The following GALNTL6 variants were observed in gnomAD, a reference collection of about 807,000 sequenced individuals.
GALNTL6 encodes the protein polypeptide N-acetylgalactosaminyltransferase like 6.
In GALNTL6, 46 loss-of-function variants were observed where a neutral mutation model predicts 73.7. The observed-to-expected ratio is 0.62, with a 90% confidence interval of 0.49 to 0.80. The LOEUF is 0.80. Ranked by LOEUF, GALNTL6 falls within the 30% of genes least tolerant of loss-of-function variation. The probability of loss-of-function intolerance (pLI) is 0.00; values close to 1 mark genes in which losing one functional copy is unlikely to be tolerated. For synonymous variants in GALNTL6, 259 were observed against 263.7 expected (o/e 0.98, Z 0.17); for missense variants, 604 against 755.0 (o/e 0.80, Z 2.34).
At chr4:171,896,361 T>C (rs1401918798) in intron 2 of GALNTL6, among the ~76,000 whole-genome samples, 3 of 152,222 alleles carry the variant, frequency 2.0e-5, no homozygotes, top group Non-Finnish European at 2.9e-5. Context: ...GCCTCAGTCA[T>C]GACTGGGAAT....
At chr4:172,458,557 G>A (rs992990495) in intron 5 of GALNTL6, among the ~76,000 whole-genome samples, 5 of 152,100 alleles carry the variant, frequency 3.3e-5, no homozygotes, top group African/African-American at 1.2e-4. Flanking sequence ...TGATCCCACA[G>A]AAATACAAAC....
intron 9 of GALNTL6, among the ~76,000 whole-genome samples, chr4:172,948,540 C>G (rs949447445): frequency 2.0e-5 from 3 of 150,930 alleles, no homozygotes; most frequent in Admixed American, 6.6e-5. Context: ...GCAACCTCCA[C>G]CTCTCGGGTT....
At chr4:172,838,736 GTA>G in intron 7 of GALNTL6, among the ~76,000 whole-genome samples, 1 of 152,140 alleles carries the variant, frequency 6.6e-6, no homozygotes. Context: ...TTCCTCTGAT[GTA>G]TATAAATAAC....
intron 5 of GALNTL6, among the ~76,000 whole-genome samples, chr4:172,671,849 G>A (rs949021381): frequency 6.6e-6 from 1 of 151,842 alleles, no homozygotes; most frequent in Admixed American, 6.6e-5. Flanking sequence ...AGGGGTTTTT[G>A]TTTGTTTGGT....
intron 2 of GALNTL6, among the ~76,000 whole-genome samples, chr4:172,013,285 A>G (rs907845542): frequency 3.3e-5 from 5 of 151,960 alleles, no homozygotes; most frequent in African/African-American, 4.8e-5. Context: ...CCTCCTATCT[A>G]TGTACTTATT....
intron 5 of GALNTL6, among the ~76,000 whole-genome samples, chr4:172,778,018 G>GCTA (rs1449219048): frequency 6.6e-6 from 1 of 152,198 alleles, no homozygotes; most frequent in Non-Finnish European, 1.5e-5. Flanking sequence ...ACAATACTAA[G>GCTA]CATAAAGCCT....
chr4:172,165,805 A>G (rs1734604619), intron 2 of GALNTL6, among the ~76,000 whole-genome samples: 1 of 152,184 alleles, frequency 6.6e-6, no homozygotes, highest in African/African-American at 2.4e-5. Flanking sequence ...TTGCCAACAC[A>G]GATATATTCC....
chr4:172,129,128 T>C (rs1733384089), intron 2 of GALNTL6, among the ~76,000 whole-genome samples: 1 of 152,234 alleles, frequency 6.6e-6, no homozygotes. Flanking sequence ...TTGAAAGCCC[T>C]TTAAGACTCT....
chr4:172,293,635 C>T (rs1011615224), intron 3 of GALNTL6, among the ~76,000 whole-genome samples: 1 of 151,866 alleles, frequency 6.6e-6, no homozygotes, highest in Non-Finnish European at 1.5e-5. Context: ...GTCATATTGC[C>T]TATGTGGGGA....
chr4:172,363,009 T>C (rs954153317), intron 5 of GALNTL6, among the ~76,000 whole-genome samples: 1 of 152,162 alleles, frequency 6.6e-6, no homozygotes, highest in Non-Finnish European at 1.5e-5. Flanking sequence ...AAATAATATT[T>C]ATAACAATCA....
At chr4:172,267,027 G>A (rs1408383666) in intron 3 of GALNTL6, among the ~76,000 whole-genome samples, 1 of 152,118 alleles carries the variant, frequency 6.6e-6, no homozygotes. Context: ...TTTCAATTCA[G>A]TTGTCCCTTG....
At chr4:171,920,718 A>G (rs61356219) in intron 2 of GALNTL6, among the ~76,000 whole-genome samples, 6,027 of 152,226 alleles carry the variant, frequency 0.04, 347 homozygotes, top group African/African-American at 0.12. Context: ...ATACATACAC[A>G]CAAACACAGT....
chr4:172,439,181 C>G, intron 5 of GALNTL6, among the ~76,000 whole-genome samples: 1 of 139,960 alleles, frequency 7.1e-6, no homozygotes, highest in East Asian at 2.0e-4. Flanking sequence ...TTCACACACA[C>G]ACACACACAC....
chr4:171,990,860 TG>T (rs1740311625), intron 2 of GALNTL6, among the ~76,000 whole-genome samples: 1 of 152,246 alleles, frequency 6.6e-6, no homozygotes, highest in Non-Finnish European at 1.5e-5. Context: ...TAAATGTTGC[TG>T]TAAATGTTGA....
intron 2 of GALNTL6, among the ~76,000 whole-genome samples, chr4:172,196,786 A>G (rs190126629): frequency 8.5e-5 from 13 of 152,304 alleles, no homozygotes; most frequent in Admixed American, 7.8e-4. Context: ...TATTGAAGGA[A>G]CATACCTCAA....
intron 5 of GALNTL6, 83 bp downstream of exon 5, chr4:172,348,772 G>A (rs1741843585): frequency 1.2e-6 from 1 of 824,910 alleles, no homozygotes; most frequent in Admixed American, 2.8e-5. Context: ...GACAATGGGA[G>A]CTTCTTTCTG....
chr4:172,898,694 AT>A (rs1746465436), intron 8 of GALNTL6, among the ~76,000 whole-genome samples: 1 of 152,228 alleles, frequency 6.6e-6, no homozygotes, highest in Non-Finnish European at 1.5e-5. Flanking sequence ...AAATGTATGC[AT>A]AAAAAGCAAA....
chr4:171,858,800 T>C (rs954423905), intron 2 of GALNTL6, among the ~76,000 whole-genome samples: 1 of 152,084 alleles, frequency 6.6e-6, no homozygotes, highest in Non-Finnish European at 1.5e-5. Context: ...GTTTTCAAAT[T>C]ATTAGTTACA....
chr4:171,957,519 A>G (rs1271163697), intron 2 of GALNTL6, among the ~76,000 whole-genome samples: 1 of 152,178 alleles, frequency 6.6e-6, no homozygotes, highest in Admixed American at 6.6e-5. Flanking sequence ...ATATGAGGAG[A>G]TGGTGTCACC....
Sources: allele counts gnomAD v4.1 joint callset (sites outside exome capture counted in the v4.1 genomes callset), GRCh38; gene constraint gnomAD v4.1.1; transcripts MANE v1.5; gene names NCBI Gene and HGNC (gene_info 2026-07-23, HGNC 2026-07-21).